Variants in ULK4 observed in about 807,000 individuals in gnomAD.
The protein encoded by ULK4 is unc-51 like kinase 4.
A neutral mutation model predicts 160.6 loss-of-function variants in ULK4; 133 were observed. The ratio of observed to expected loss-of-function variants is 0.83; its 90% CI spans 0.72 to 0.96. The LOEUF is 0.96. Among genes scored for constraint, ULK4 ranks in the 40% least tolerant of loss-of-function variants. The probability of loss-of-function intolerance (pLI) is 0.00; values close to 1 mark genes in which losing one functional copy is unlikely to be tolerated. For missense variants in ULK4, 1,580 were observed against 1,499.5 expected (o/e 1.05, Z -0.89); for synonymous variants, 534 against 539.8 (o/e 0.99, Z 0.15).
intron 14 of ULK4, among the ~76,000 whole-genome samples, chr3:41,897,996 C>T (rs1698225355): frequency 6.6e-6 from 1 of 152,196 alleles, no homozygotes; most frequent in Non-Finnish European, 1.5e-5. Flanking sequence ...TCTCCACTCC[C>T]ACACCACCTC....
chr3:41,793,628 A>C (rs1159274475), intron 20 of ULK4, among the ~76,000 whole-genome samples: 1 of 152,116 alleles, frequency 6.6e-6, no homozygotes, highest in Admixed American at 6.6e-5. Context: ...ACTATCCTGC[A>C]TACTTCTTCA....
At chr3:41,644,719 G>C (rs1242674210) in intron 30 of ULK4, among the ~76,000 whole-genome samples, 32 of 148,070 alleles carry the variant, frequency 2.2e-4, no homozygotes, top group Admixed American at 1.1e-3. Context: ...AAATGAGTTA[G>C]GGAGGATTCC....
chr3:41,311,196 CTGAG>C (rs987824407), intron 35 of ULK4, among the ~76,000 whole-genome samples: 7 of 152,090 alleles, frequency 4.6e-5, no homozygotes, highest in African/African-American at 7.2e-5. Flanking sequence ...ATGGTTAATA[CTGAG>C]TGTCAACTTG....
chr3:41,534,531 C>G (rs993964263), intron 32 of ULK4, among the ~76,000 whole-genome samples: 1 of 97,454 alleles, frequency 1.0e-5, no homozygotes, highest in Admixed American at 9.8e-5. Context: ...AAAAAAAAAA[C>G]TAAACTACAT....
intron 35 of ULK4, among the ~76,000 whole-genome samples, chr3:41,374,204 A>G (rs1323355988): frequency 6.6e-6 from 1 of 152,224 alleles, no homozygotes; most frequent in Non-Finnish European, 1.5e-5. Context: ...ATTCTACCAG[A>G]GGTGCAAAGA....
chr3:41,333,007 G>T (rs6599150), intron 35 of ULK4, among the ~76,000 whole-genome samples: 81,144 of 152,106 alleles, frequency 0.53, 23,131 homozygotes, highest in African/African-American at 0.75. Flanking sequence ...GCATTGCACA[G>T]TGAGATCCAG....
intron 18 of ULK4, among the ~76,000 whole-genome samples, chr3:41,824,386 C>T (rs1378953747): frequency 3.3e-5 from 5 of 151,982 alleles, no homozygotes; most frequent in South Asian, 4.2e-4. Context: ...ACCGGGGAAG[C>T]GCAAGGGGTC....
intron 20 of ULK4, among the ~76,000 whole-genome samples, chr3:41,799,254 G>A (rs932040043): frequency 1.3e-5 from 2 of 152,108 alleles, no homozygotes; most frequent in African/African-American, 4.8e-5. Context: ...TAAATCATAG[G>A]AGAGAGGGTT....
chr3:41,270,409 C>A (rs2079120347), intron 35 of ULK4, among the ~76,000 whole-genome samples: 2 of 151,766 alleles, frequency 1.3e-5, no homozygotes, highest in South Asian at 4.2e-4. Context: ...AGTTGTCCTG[C>A]ACATTTGTGG....
At chr3:41,931,119 G>C (rs1699579190) in intron 5 of ULK4, among the ~76,000 whole-genome samples, 2 of 152,144 alleles carry the variant, frequency 1.3e-5, no homozygotes, top group South Asian at 4.2e-4. Flanking sequence ...AAGAAAATGT[G>C]GCACATATAC....
intron 29 of ULK4, among the ~76,000 whole-genome samples, chr3:41,680,431 C>A (rs1228644420): frequency 6.6e-6 from 1 of 152,068 alleles, no homozygotes; most frequent in East Asian, 1.9e-4. Context: ...ACAGGCTCCC[C>A]CAGAGAGCCA....
intron 30 of ULK4, among the ~76,000 whole-genome samples, chr3:41,628,860 A>G (rs2033633069): frequency 6.6e-6 from 1 of 152,184 alleles, no homozygotes; most frequent in South Asian, 2.1e-4. Context: ...TAAGGTTAAA[A>G]TTATTTGAAA....
intron 4 of ULK4, 54 bp from the exon 5 acceptor site, chr3:41,932,060 A>G (rs1451021114): frequency 6.0e-6 from 9 of 1,510,066 alleles, no homozygotes; most frequent in Non-Finnish European, 8.1e-6. Flanking sequence ...ATTTGTACAT[A>G]TATCAGTACC....
intron 9 of ULK4, 138 bp from the exon 10 acceptor site, chr3:41,911,797 C>T (rs1698796173): frequency 1.5e-6 from 1 of 657,138 alleles, no homozygotes. Flanking sequence ...TAACTTTATG[C>T]CTCCCTCATC....
intron 30 of ULK4, among the ~76,000 whole-genome samples, chr3:41,658,068 T>C: frequency 6.6e-6 from 1 of 152,080 alleles, no homozygotes. Context: ...GCAATGAAAC[T>C]AGAAATTAAT....
chr3:41,455,966 G>A (rs1478231064), intron 33 of ULK4, among the ~76,000 whole-genome samples: 1 of 152,138 alleles, frequency 6.6e-6, no homozygotes, highest in African/African-American at 2.4e-5. Flanking sequence ...CTGTTGTGCA[G>A]TGGCACAATC....
chr3:41,959,956 G>A (rs1267555086), intron 1 of ULK4, among the ~76,000 whole-genome samples: 1 of 152,068 alleles, frequency 6.6e-6, no homozygotes, highest in Non-Finnish European at 1.5e-5. Flanking sequence ...AGGATAAGAT[G>A]ATAAAATAAG....
intron 35 of ULK4, among the ~76,000 whole-genome samples, chr3:41,363,156 G>GC (rs1421898158): frequency 6.6e-6 from 1 of 152,186 alleles, no homozygotes; most frequent in Non-Finnish European, 1.5e-5. Flanking sequence ...ATGCAATTAA[G>GC]CCTAACAAGG....
At position 41,536,402 on chromosome 3, in the gene ULK4, G is replaced by A. The variant is rs145471658; in HGVS notation, c.3226+29623C>T. ...CTTAAAACGCAATACAGTAAATACAGTTGACCCATGAAAAATGCAGGCGTT... is the reference window on the plus strand; with the variant it reads ...CTTAAAACGCAATACAGTAAATACAATTGACCCATGAAAAATGCAGGCGTT... On this transcript the variant is annotated intron_variant, in intron 32 of 36. Transcript: ENST00000301831. 3.4e-4 allele frequency among the ~76,000 whole-genome samples: 51 copies of A among 152,180 alleles called. 1 individual carries two copies. The highest frequency in any genetic ancestry group is 1.2e-3 in the African/African-American group (48 of 41,522).
Sources: allele counts gnomAD v4.1 joint callset (sites outside exome capture counted in the v4.1 genomes callset), GRCh38; gene constraint gnomAD v4.1.1; transcripts MANE v1.5; gene names NCBI Gene and HGNC (gene_info 2026-07-23, HGNC 2026-07-21).